Variants in VPS36 observed in about 807,000 individuals in gnomAD.
VPS36 encodes the protein vacuolar protein-sorting-associated protein 36.
A neutral mutation model predicts 63.5 loss-of-function variants in VPS36; 31 were observed. The ratio of observed to expected loss-of-function variants is 0.49; its 90% CI spans 0.37 to 0.66. The LOEUF (loss-of-function observed/expected upper bound fraction) is 0.66, where lower values mean the gene tolerates loss of function less well. Ranked by LOEUF, VPS36 falls within the 30% of genes least tolerant of loss-of-function variation. VPS36 has a pLI of 0.00. For missense variants in VPS36, 338 were observed against 463.7 expected (o/e 0.73, Z 2.49); for synonymous variants, 138 against 157.2 (o/e 0.88, Z 0.91).
At chr13:52,449,843 A>T (rs1958382657) in intron 1 of VPS36, 1 of 824,900 alleles carries the variant, frequency 1.2e-6, no homozygotes, top group Non-Finnish European at 1.5e-6. Flanking sequence ...TTTACAAAAC[A>T]CGCTCAGAAC....
At chr13:52,448,451 GT>G (rs1958367169) in intron 1 of VPS36, among the ~76,000 whole-genome samples, 1 of 152,204 alleles carries the variant, frequency 6.6e-6, no homozygotes, top group Non-Finnish European at 1.5e-5. Context: ...AAGTCACTAA[GT>G]CCAGCTTTGG....
chr13:52,429,573 C>T (rs1021942092), intron 6 of VPS36, among the ~76,000 whole-genome samples: 1 of 152,132 alleles, frequency 6.6e-6, no homozygotes, highest in Non-Finnish European at 1.5e-5. Context: ...GCCTCTGATA[C>T]AAGGCCTGGC....
chr13:52,441,791 A>C (rs556545082), intron 2 of VPS36, among the ~76,000 whole-genome samples: 2 of 152,258 alleles, frequency 1.3e-5, no homozygotes, highest in East Asian at 3.9e-4. Flanking sequence ...CCTCTTGCTG[A>C]GTGACTTAGA....
intron 1 of VPS36, 128 bp downstream of exon 1, chr13:52,450,371 C>T (rs1033352615): frequency 5.6e-6 from 7 of 1,245,210 alleles, no homozygotes; most frequent in Admixed American, 4.4e-5. Flanking sequence ...AGAGGCCTGC[C>T]GGGCCGCCGA....
intron 6 of VPS36, among the ~76,000 whole-genome samples, chr13:52,431,127 G>A (rs537027374): frequency 6.6e-6 from 1 of 152,100 alleles, no homozygotes; most frequent in East Asian, 1.9e-4. Flanking sequence ...TAAACATGGA[G>A]GTACTTATAA....
intron 9 of VPS36, 40 bp downstream of exon 9, chr13:52,425,888 AATTT>A: frequency 6.3e-7 from 1 of 1,578,892 alleles, no homozygotes; most frequent in Non-Finnish European, 8.6e-7. Flanking sequence ...ACATAGGGCT[AATTT>A]AACACAGTTT....
chr13:52,423,528 A>C (rs1566083697), intron 10 of VPS36, 46 bp downstream of exon 10: 1 of 1,527,358 alleles, frequency 6.5e-7, no homozygotes, highest in Non-Finnish European at 9.0e-7. Flanking sequence ...TTGTATTAAG[A>C]AAATCTACAT....
intron 7 of VPS36, 44 bp downstream of exon 7, chr13:52,427,143 G>A: frequency 1.2e-6 from 2 of 1,606,800 alleles, no homozygotes; most frequent in South Asian, 1.1e-5. Context: ...TTCAAAAACT[G>A]TATCATAATT....
intron 3 of VPS36, among the ~76,000 whole-genome samples, chr13:52,437,637 T>C (rs1958232294): frequency 6.6e-6 from 1 of 152,172 alleles, no homozygotes; most frequent in Admixed American, 6.5e-5. Flanking sequence ...AAATTTTAAA[T>C]TTATGAAATA....
chr13:52,430,908 G>T (rs1391412738), intron 6 of VPS36, among the ~76,000 whole-genome samples: 1 of 151,440 alleles, frequency 6.6e-6, no homozygotes, highest in East Asian at 1.9e-4. Context: ...AAAAAAGAAA[G>T]AAAGTAATAT....
At chr13:52,441,684 G>C (rs577956515) in intron 2 of VPS36, among the ~76,000 whole-genome samples, 10 of 152,024 alleles carry the variant, frequency 6.6e-5, no homozygotes, top group Non-Finnish European at 4.4e-5. Flanking sequence ...CCTGGGAGGC[G>C]GAGGTTGCAG....
rs1268231024 is a variant in VPS36, at chr13:52,412,828, A to C, written c.*3002T>G. ...TGCGCAGCTTATACTCTAGATCGTAAGGGATGGGATTAGCAATAAATTTAC... is the reference window on the plus strand; with the variant it reads ...TGCGCAGCTTATACTCTAGATCGTACGGGATGGGATTAGCAATAAATTTAC... On this transcript the variant is annotated 3_prime_UTR_variant, in exon 14 of 14. Transcript: ENST00000378060. 6.6e-6 allele frequency: 1 copy of C among 152,312 alleles called. No homozygotes were observed. The highest frequency in any genetic ancestry group is 1.5e-5 in the Non-Finnish European group (1 of 68,034). 9.4% of individuals were successfully genotyped at this position (152,312 alleles called of 1,614,324 possible).
intron 12 of VPS36, among the ~76,000 whole-genome samples, 176 bp downstream of exon 12, chr13:52,416,881 T>G (rs769260163): frequency 6.6e-6 from 1 of 152,248 alleles, no homozygotes; most frequent in Non-Finnish European, 1.5e-5. Context: ...AAGCTCTTAA[T>G]GTATGACTTT....
rs1555254528 is a variant in VPS36 at position 52,415,935 on chromosome 13, C to A, written c.1068-12G>T. The A allele has an allele frequency of 6.2e-7, 1 of 1,611,652 alleles. No homozygotes were observed. Among genetic ancestry groups the A allele is most frequent in the Non-Finnish European group, 8.5e-7 (1 of 1,179,304 alleles). On this transcript the variant is annotated splice_polypyrimidine_tract_variant and intron_variant, in intron 13 of 13. Transcript: ENST00000378060. Reference sequence around the variant, plus strand: ...CTGCAAGCAGCAACCTAAAAAAAAACAACAAAAAAACCCCCACACAATTAT... The same window carrying A: ...CTGCAAGCAGCAACCTAAAAAAAAAAAACAAAAAAACCCCCACACAATTAT...
rs769341330 is a variant in VPS36, at chr13:52,426,991, C to T, written c.637G>A (p.Glu213Lys). ...KDKQGDITED[E>K]TIRFKSYLLS... ...CTTAAAAAAAGCAACTTATTTACCT[C>T]ATCTTCTGTGATGTCACCTTGTTTG... The change falls in exon 8 of 14, where the codon GAG becomes AAG. Residue 213 changes from glutamate (E) to lysine (K), a missense_variant and splice_region_variant. Coordinates refer to ENST00000378060, the MANE Select transcript of VPS36 (RefSeq NM_016075.4). 1 of 1,610,000 alleles carries T rather than the reference C, an allele frequency of 6.2e-7. No homozygotes were observed. Among genetic ancestry groups the T allele is most frequent in the East Asian group, 2.2e-5 (1 of 44,770 alleles).
At chr13:52,439,467 G>T (rs1566089135) in intron 2 of VPS36, among the ~76,000 whole-genome samples, 1 of 151,446 alleles carries the variant, frequency 6.6e-6, no homozygotes, top group Non-Finnish European at 1.5e-5. Context: ...TTTTTTTGAG[G>T]CGGAGTCTCA....
At chr13:52,445,172 A>T (rs920064125) in intron 1 of VPS36, among the ~76,000 whole-genome samples, 5 of 152,200 alleles carry the variant, frequency 3.3e-5, no homozygotes, top group African/African-American at 1.2e-4. Context: ...TTTTTCTCAG[A>T]ATCAGAAATA....
At chr13:52,446,207 G>A (rs183759080) in intron 1 of VPS36, among the ~76,000 whole-genome samples, 166 of 151,410 alleles carry the variant, frequency 1.1e-3, no homozygotes, top group African/African-American at 3.8e-3. Flanking sequence ...CAGAGGTTGC[G>A]GTGAGCCAAG....
rs1957967638 is a variant in VPS36 at position 52,413,712 on chromosome 13, T to C, written c.*2118A>G. 1 of 152,374 alleles carries C rather than the reference T, an allele frequency of 6.6e-6. No individual in the cohort carries two copies. The highest frequency in any genetic ancestry group is 2.4e-5 in the African/African-American group (1 of 41,368). The allele number at this position is 152,374 out of a possible 1,614,324, so 9.4% of individuals were successfully genotyped here. On this transcript the variant is annotated 3_prime_UTR_variant, in exon 14 of 14. Coordinates refer to ENST00000378060, the MANE Select transcript of VPS36 (RefSeq NM_016075.4). ...AACAAAAAAATAATAATTATACCAG[T>C]GATAAGCACCAAGACAGAACTTTTT...
Sources: gnomAD v4.1 joint callset for allele counts (sites outside exome capture counted in the v4.1 genomes callset) on GRCh38, gnomAD v4.1.1 for gene constraint, MANE v1.5 for transcripts, NCBI Gene and HGNC (gene_info 2026-07-23, HGNC 2026-07-21) for gene names.